Variants in AKAP7 observed in about 807,000 individuals in gnomAD.
AKAP7 encodes the protein A kinase (PRKA) anchor protein 7.
A neutral mutation model predicts 39.5 loss-of-function variants in AKAP7; 39 were observed. The ratio of observed to expected loss-of-function variants is 0.99; its 90% CI spans 0.76 to 1.29. The LOEUF is 1.29. Ranked by LOEUF, AKAP7 falls within the 50% of genes most tolerant of loss-of-function variation. The pLI is 0.00. For synonymous variants in AKAP7, 140 were observed against 139.1 expected (o/e 1.01, Z -0.05); for missense variants, 414 against 407.7 (o/e 1.02, Z -0.13).
At chr6:131,258,099 T>C (rs1813012785) in intron 7 of AKAP7, among the ~76,000 whole-genome samples, 1 of 152,216 alleles carries the variant, frequency 6.6e-6, no homozygotes, top group South Asian at 2.1e-4. Context: ...TGACTTACTA[T>C]TCATGTTCCA....
intron 7 of AKAP7, among the ~76,000 whole-genome samples, chr6:131,227,389 G>C (rs139413759): frequency 3.9e-3 from 591 of 152,250 alleles, no homozygotes; most frequent in Non-Finnish European, 6.5e-3. Flanking sequence ...GGTATGAGGA[G>C]TTGGTGAGGG....
chr6:131,164,620 C>T, intron 3 of AKAP7: 2 of 331,288 alleles, frequency 6.0e-6, no homozygotes, highest in Admixed American at 8.0e-5. Context: ...TTCACAGACA[C>T]ATTCACTTGG....
At chr6:131,138,774 G>A (rs1464269670) in intron 1 of AKAP7, among the ~76,000 whole-genome samples, 1 of 152,212 alleles carries the variant, frequency 6.6e-6, no homozygotes, top group Non-Finnish European at 1.5e-5. Flanking sequence ...CCTCTCCATA[G>A]TGTGGTTGTG....
intron 2 of AKAP7, among the ~76,000 whole-genome samples, chr6:131,159,025 C>T (rs1802685377): frequency 6.6e-6 from 1 of 152,080 alleles, no homozygotes; most frequent in South Asian, 2.1e-4. Context: ...ACAAGGATTA[C>T]TTTAAAAAGT....
intron 2 of AKAP7, among the ~76,000 whole-genome samples, chr6:131,152,449 A>G (rs1234073299): frequency 6.6e-6 from 1 of 152,250 alleles, no homozygotes; most frequent in Non-Finnish European, 1.5e-5. Flanking sequence ...GGAGTTCAGT[A>G]ATGAAAAGCA....
intron 6 of AKAP7, among the ~76,000 whole-genome samples, chr6:131,210,997 T>A (rs572445228): frequency 6.6e-6 from 1 of 152,306 alleles, no homozygotes; most frequent in Admixed American, 6.5e-5. Context: ...ATAAGCTGAA[T>A]GGATAGGGAA....
chr6:131,135,337 T>C (rs999926735), upstream of AKAP7, among the ~76,000 whole-genome samples: 23 of 152,166 alleles, frequency 1.5e-4, no homozygotes, highest in African/African-American at 5.5e-4. Context: ...CAGCGTCGCA[T>C]TGCAGAGTCG....
chr6:131,130,845 C>T (rs907462160), upstream of AKAP7, among the ~76,000 whole-genome samples: 3 of 151,954 alleles, frequency 2.0e-5, no homozygotes, highest in East Asian at 1.9e-4. Context: ...AAAGGACTGG[C>T]GTCTTGGCAT....
At chr6:131,181,583 C>A (rs1318663170) in intron 5 of AKAP7, among the ~76,000 whole-genome samples, 1 of 152,164 alleles carries the variant, frequency 6.6e-6, no homozygotes, top group Non-Finnish European at 1.5e-5. Flanking sequence ...ACTGTTGGAT[C>A]TAGGATAAAA....
chr6:131,237,792 C>T (rs2128310585), intron 7 of AKAP7, among the ~76,000 whole-genome samples: 1 of 152,164 alleles, frequency 6.6e-6, no homozygotes, highest in South Asian at 2.1e-4. Flanking sequence ...TGATTCTTCT[C>T]TCTTTTCTTC....
Position 131,165,061 on chromosome 6 carries a change from A to T in AKAP7, c.292-20A>T, listed in dbSNP as rs1395257535. ...ACCTAATCACTGGAATTTTTTTTAT[A>T]TGTGTGTATGTGTTATTAGATTATA... On this transcript the variant is annotated intron_variant, in intron 3 of 7. Transcript: ENST00000431975. The T allele has an allele frequency of 2.0e-6, 3 of 1,517,302 alleles. No individual in the cohort carries two copies. The highest frequency in any genetic ancestry group is 2.0e-4 in the Middle Eastern group (1 of 4,916). The allele number at this position is 1,517,302 out of a possible 1,614,324, so 94.0% of individuals were successfully genotyped here.
At chr6:131,265,618 G>A (rs1353410668) in intron 7 of AKAP7, among the ~76,000 whole-genome samples, 1 of 152,058 alleles carries the variant, frequency 6.6e-6, no homozygotes, top group Non-Finnish European at 1.5e-5. Context: ...ATAGTTTCTG[G>A]TTAGCAGTCT....
chr6:131,172,003 A>G (rs1356994141), intron 5 of AKAP7, among the ~76,000 whole-genome samples: 1 of 152,178 alleles, frequency 6.6e-6, no homozygotes, highest in Non-Finnish European at 1.5e-5. Flanking sequence ...AGAGCAGTAT[A>G]TTGGATTTTA....
intron 7 of AKAP7, among the ~76,000 whole-genome samples, chr6:131,221,069 G>A (rs780740231): frequency 1.9e-4 from 29 of 152,176 alleles, no homozygotes; most frequent in Non-Finnish European, 2.9e-4. Context: ...GAAATAATCC[G>A]AAAGCTAGGC....
Position 131,220,878 on chromosome 6 carries a change from G to A in AKAP7, c.850+1070G>A, listed in dbSNP as rs192926672. The stretch of plus-strand genomic sequence containing the variant: ...ATATGAATTGTATTCATATAAGATA[G>A]CAAACCAAATTGATAAATGTGTGTG... On this transcript the variant is annotated intron_variant, in intron 7 of 7. Coordinates refer to ENST00000431975, the MANE Select transcript of AKAP7 (RefSeq NM_016377.4). Among the ~76,000 whole-genome samples, 20 of 152,196 alleles carry A rather than the reference G, an allele frequency of 1.3e-4. 1 individual carries two copies. The East Asian group carries it at 3.3e-3, about 25-fold the overall frequency.
intron 1 of AKAP7, among the ~76,000 whole-genome samples, chr6:131,137,929 T>C (rs1800710713): frequency 6.6e-6 from 1 of 152,240 alleles, no homozygotes; most frequent in Non-Finnish European, 1.5e-5. Context: ...ATAGAGCATA[T>C]GCAATTTTAT....
chr6:131,129,445 A>G, the AKAP7 span, among the ~76,000 whole-genome samples: 2 of 152,168 alleles, frequency 1.3e-5, no homozygotes, highest in Non-Finnish European at 2.9e-5. Flanking sequence ...CTGCAGGAGT[A>G]TGTGTTTATA....
intron 4 of AKAP7, among the ~76,000 whole-genome samples, chr6:131,165,703 C>CA (rs1803412682): frequency 6.6e-6 from 1 of 152,152 alleles, no homozygotes; most frequent in Non-Finnish European, 1.5e-5. Flanking sequence ...ATTTCAGTTT[C>CA]ATCTTAGTCA....
At chr6:131,211,741 C>T (rs1243612664) in intron 6 of AKAP7, among the ~76,000 whole-genome samples, 1 of 143,834 alleles carries the variant, frequency 7.0e-6, no homozygotes, top group East Asian at 2.0e-4. Flanking sequence ...CCACTGCACT[C>T]CAGCCTGGGA....
Sources: gnomAD v4.1 joint callset for allele counts (sites outside exome capture counted in the v4.1 genomes callset) on GRCh38, gnomAD v4.1.1 for gene constraint, MANE v1.5 for transcripts, NCBI Gene and HGNC (gene_info 2026-07-23, HGNC 2026-07-21) for gene names.